The following VPS16 variants were observed in gnomAD, a reference collection of about 807,000 sequenced individuals.
The protein encoded by VPS16 is vacuolar protein sorting-associated protein 16 homolog.
VPS16 carries 82 observed loss-of-function variants against 116.0 expected under a neutral mutation model. That is an observed-to-expected ratio of 0.71 (90% CI 0.59 to 0.85). The LOEUF (loss-of-function observed/expected upper bound fraction) is 0.85, where lower values mean the gene tolerates loss of function less well. Among genes scored for constraint, VPS16 ranks in the 40% least tolerant of loss-of-function variants. The pLI is 0.00. For missense variants in VPS16, 928 were observed against 1,090.6 expected (o/e 0.85, Z 2.10); for synonymous variants, 406 against 420.7 (o/e 0.96, Z 0.43).
At chr20:2,848,538 G>A (rs1422123469) in intron 1 of VPS16, among the ~76,000 whole-genome samples, 1 of 152,226 alleles carries the variant, frequency 6.6e-6, no homozygotes, top group South Asian at 2.1e-4. Flanking sequence ...AAAAGCCTAG[G>A]CTGCATCTTA....
chr20:2,848,052 T>C (rs1599976561), intron 1 of VPS16, among the ~76,000 whole-genome samples: 1 of 152,244 alleles, frequency 6.6e-6, no homozygotes, highest in African/African-American at 2.4e-5. Flanking sequence ...CACCTTCCAG[T>C]GCACCAGCCT....
chr20:2,859,050 G>A (rs2089201012), intron 1 of VPS16, among the ~76,000 whole-genome samples: 1 of 152,154 alleles, frequency 6.6e-6, no homozygotes, highest in Non-Finnish European at 1.5e-5. Context: ...TGTAATACCA[G>A]CACTTTGGAG....
chr20:2,850,815 C>A (rs1220697268), intron 1 of VPS16, among the ~76,000 whole-genome samples: 8 of 139,624 alleles, frequency 5.7e-5, no homozygotes, highest in East Asian at 2.3e-4. Flanking sequence ...AAAAAAAAAA[C>A]AAAAAAAACA....
Position 2,847,266 on chromosome 20 carries a change from C to T in VPS16, c.53+6439C>T, listed in dbSNP as rs865982520. On this transcript the variant is annotated intron_variant, in intron 1 of 23. Transcript: ENST00000380445. ...CAGACATCCTTGACCAACTGCACTG[C>T]TCCCTGATTGTTGTTTTAGCCCACG... is the stretch of plus-strand genomic sequence containing the variant. Among the ~76,000 whole-genome samples, 3 of 152,292 alleles carry T rather than the reference C, an allele frequency of 2.0e-5. 1 individual carries two copies. The highest frequency in any genetic ancestry group is 6.5e-5 in the Admixed American group (1 of 15,306).
intron 1 of VPS16, among the ~76,000 whole-genome samples, chr20:2,843,387 G>A (rs1165481415): frequency 6.6e-5 from 10 of 151,606 alleles, no homozygotes; most frequent in African/African-American, 2.4e-4. Flanking sequence ...AGCCAAGATC[G>A]CACCACTGTA....
intron 11 of VPS16, 45 bp downstream of exon 11, chr20:2,862,175 G>A: frequency 6.3e-7 from 1 of 1,588,074 alleles, no homozygotes. Context: ...GGTTCCTCCT[G>A]CCCCTGCGTG....
chr20:2,843,952 A>T (rs2089033939), intron 1 of VPS16, among the ~76,000 whole-genome samples: 1 of 152,290 alleles, frequency 6.6e-6, no homozygotes, highest in African/African-American at 2.4e-5. Flanking sequence ...TAAGTACTTT[A>T]TGTGTTTTAA....
At chr20:2,842,564 G>A (rs533796276) in intron 1 of VPS16, among the ~76,000 whole-genome samples, 6 of 150,992 alleles carry the variant, frequency 4.0e-5, no homozygotes, top group East Asian at 3.9e-4. Flanking sequence ...CCAAGATAGC[G>A]TCATTGCATT....
At chr20:2,852,088 G>T (rs570821370) in intron 1 of VPS16, among the ~76,000 whole-genome samples, 1 of 152,358 alleles carries the variant, frequency 6.6e-6, no homozygotes, top group Admixed American at 6.5e-5. Flanking sequence ...GGGACCTGGT[G>T]TGGGCAGGAA....
At position 2,864,867 on chromosome 20, in the gene VPS16, G is replaced by A. The variant is rs1033538219; in HGVS notation, c.1927-111G>A. On this transcript the variant is annotated intron_variant, in intron 19 of 23. Transcript: ENST00000380445. The surrounding 1 kb of genome is among the most constrained non-coding windows in gnomAD (Gnocchi z 5.2). ...CAGAGTGGTGCACCTAGCAGGCAAGGCTGACCCTGGCGACCCTGGGCACAG... is the reference window on the plus strand; with the variant it reads ...CAGAGTGGTGCACCTAGCAGGCAAGACTGACCCTGGCGACCCTGGGCACAG... 2.0e-5 allele frequency: 29 copies of A among 1,454,162 alleles called. No homozygotes were observed. The highest frequency in any genetic ancestry group is 2.8e-5 in the Non-Finnish European group (29 of 1,046,736). 90.1% of individuals were successfully genotyped at this position (1,454,162 alleles called of 1,614,324 possible).
chr20:2,851,881 G>T (rs2089125804), intron 1 of VPS16, among the ~76,000 whole-genome samples: 1 of 152,162 alleles, frequency 6.6e-6, no homozygotes, highest in Non-Finnish European at 1.5e-5. Flanking sequence ...TGAGGTAGGA[G>T]GATGGCGTGA....
In VPS16 at chr20:2,864,262, C is replaced by T. The variant is rs558845682; in HGVS notation, c.1695C>T (p.Ala565=). The T allele has an allele frequency of 6.2e-7, 1 of 1,614,226 alleles. No individual in the cohort carries two copies. Among genetic ancestry groups the T allele is most frequent in the Non-Finnish European group, 8.5e-7 (1 of 1,180,032 alleles). Residue 565 remains alanine, a synonymous_variant, in exon 17 of 24, where the codon GCC becomes GCT. Transcript: ENST00000380445. The surrounding 1 kb of genome is among the most constrained non-coding windows in gnomAD (Gnocchi z 5.2). ...GGAGCAAACTGGCACTAAGCAAGGC[C>T]ATCGAGAGCGGGGACACTGACCTGG... ...MKRSKLALSK[A]IESGDTDLVF...
intron 1 of VPS16, among the ~76,000 whole-genome samples, chr20:2,856,627 G>A (rs1361828317): frequency 6.6e-6 from 1 of 152,210 alleles, no homozygotes; most frequent in East Asian, 1.9e-4. Flanking sequence ...TAGTATGGAA[G>A]TCTCTTGAGC....
Position 2,860,447 on chromosome 20 carries a change from A to G in VPS16, c.370-2A>G. ...CCTTAACCCATGGCCCCCTTTCCTC[A>G]GGAAGTGCTCCAGAACCGGGTTCTG... is the stretch of plus-strand genomic sequence containing the variant. On this transcript the variant is annotated splice_acceptor_variant, in intron 4 of 23. Coordinates refer to ENST00000380445, the MANE Select transcript of VPS16 (RefSeq NM_022575.4). LOFTEE classifies it high-confidence loss of function. The surrounding 1 kb of genome is among the most constrained non-coding windows in gnomAD (Gnocchi z 6.1). 6.2e-7 allele frequency: 1 copy of G among 1,614,046 alleles called. No homozygotes were observed. The highest frequency in any genetic ancestry group is 8.5e-7 in the Non-Finnish European group (1 of 1,179,986).
At chr20:2,846,966 G>A (rs2089066341) in intron 1 of VPS16, among the ~76,000 whole-genome samples, 1 of 152,184 alleles carries the variant, frequency 6.6e-6, no homozygotes, top group South Asian at 2.1e-4. Flanking sequence ...GGAGCAGAAA[G>A]ATGGGGCTGG....
intron 1 of VPS16, among the ~76,000 whole-genome samples, chr20:2,847,198 A>AT (rs1362461618): frequency 6.6e-6 from 1 of 152,014 alleles, no homozygotes; most frequent in Non-Finnish European, 1.5e-5. Context: ...GTACCCCTTT[A>AT]GGGGGTCCAT....
intron 1 of VPS16, among the ~76,000 whole-genome samples, chr20:2,853,511 C>A (rs1187146786): frequency 6.6e-6 from 1 of 152,184 alleles, no homozygotes; most frequent in Non-Finnish European, 1.5e-5. Context: ...GGCCTCACTT[C>A]TAATTCTGAT....
rs770646901 is a variant in VPS16, at chr20:2,864,005, GGGGGAC to G, written c.1534_1539del (p.Gly512_Asp513del). 1 of 1,614,124 alleles carries G rather than the reference GGGGGAC, an allele frequency of 6.2e-7. No individual in the cohort carries two copies. Among genetic ancestry groups the G allele is most frequent in the Non-Finnish European group, 8.5e-7 (1 of 1,180,006 alleles). ...TGGCTCGAGCCATTAACCAGAAGCT[GGGGGAC>G]ACGCCTGGTGTCTCTTACTCCGACA... is the stretch of plus-strand genomic sequence containing the variant. On this transcript the variant is annotated inframe_deletion, in exon 16 of 24. Coordinates refer to ENST00000380445, the MANE Select transcript of VPS16 (RefSeq NM_022575.4). This position sits in a 1 kb window ranked among gnomAD's most constrained non-coding sequence, Gnocchi z 5.2.
chr20:2,846,728 G>T (rs1400291095), intron 1 of VPS16, among the ~76,000 whole-genome samples: 1 of 152,088 alleles, frequency 6.6e-6, no homozygotes, highest in Non-Finnish European at 1.5e-5. Context: ...GGACAGGCTG[G>T]AGATCATCTA....
Sources: allele counts gnomAD v4.1 joint callset (sites outside exome capture counted in the v4.1 genomes callset), GRCh38; gene constraint gnomAD v4.1.1; non-coding constraint Gnocchi (gnomAD v3.1); transcripts MANE v1.5; gene names NCBI Gene and HGNC (gene_info 2026-07-23, HGNC 2026-07-21).